The following DGKA variants were observed in gnomAD, a reference collection of about 807,000 sequenced individuals.
The protein encoded by DGKA is diacylglycerol kinase alpha, also known as 80 kDa diacylglycerol kinase.
A neutral mutation model predicts 105.0 loss-of-function variants in DGKA; 35 were observed. The ratio of observed to expected loss-of-function variants is 0.33; its 90% CI spans 0.25 to 0.44. The LOEUF is 0.44. Ranked by LOEUF, DGKA falls within the 20% of genes least tolerant of loss-of-function variation. The pLI, the probability that DGKA is intolerant of heterozygous loss-of-function variation, is 1.00. For synonymous variants in DGKA, 296 were observed against 332.0 expected (o/e 0.89, Z 1.18); for missense variants, 665 against 915.0 (o/e 0.73, Z 3.53).
intron 4 of DGKA, 57 bp downstream of exon 4, chr12:55,937,600 T>C: frequency 6.3e-7 from 1 of 1,588,646 alleles, no homozygotes; most frequent in Non-Finnish European, 8.6e-7. Flanking sequence ...CAAACTAGTA[T>C]GGATTTGGGG....
chr12:55,946,998 T>G (rs2136374847), intron 17 of DGKA, among the ~76,000 whole-genome samples: 1 of 150,970 alleles, frequency 6.6e-6, no homozygotes, highest in East Asian at 1.9e-4. Flanking sequence ...TTTTTTTTTT[T>G]TTTTGAGGCA....
chr12:55,940,881 T>C lies in DGKA; in HGVS notation c.1018-16T>C. 1 of 1,613,662 alleles carries C rather than the reference T, an allele frequency of 6.2e-7. No individual in the cohort carries two copies. The highest frequency in any genetic ancestry group is 8.5e-7 in the Non-Finnish European group (1 of 1,179,714). On this transcript the variant is annotated splice_polypyrimidine_tract_variant and intron_variant, in intron 12 of 23. Transcript: ENST00000331886. The surrounding 1 kb of genome is among the most constrained non-coding windows in gnomAD (Gnocchi z 4.3). Reference sequence around the variant, plus strand: ...ACAATACAGCTTTTCTTCCCTCTACTTTCTTCCCCTCCCAGGCCTCTGGAC... The same window carrying C: ...ACAATACAGCTTTTCTTCCCTCTACCTTCTTCCCCTCCCAGGCCTCTGGAC...
At position 55,936,403 on chromosome 12, in the gene DGKA, G is replaced by A. The variant is rs1427889982; in HGVS notation, c.-81-20G>A. On this transcript the variant is annotated intron_variant, in intron 1 of 23. Transcript: ENST00000331886. ...AGACAGCTGGCTCTTCCCACTGTAC[G>A]CTCTGTCACCTTTCCCCAGGCCTAC... The A allele has an allele frequency of 3.3e-6, 5 of 1,512,584 alleles. No individual in the cohort carries two copies. The highest frequency in any genetic ancestry group is 3.5e-6 in the Non-Finnish European group (4 of 1,130,904). The allele number at this position is 1,512,584 out of a possible 1,614,324, so 93.7% of individuals were successfully genotyped here.
At chr12:55,936,753 C>T (rs770847050) in intron 2 of DGKA, 186 bp downstream of exon 2, 1 of 950,878 alleles carries the variant, frequency 1.1e-6, no homozygotes, top group South Asian at 1.3e-5. Flanking sequence ...TCCGGATCTA[C>T]CACAGTCTAA....
At chr12:55,938,450 G>A (rs1030806319) in intron 5 of DGKA, 61 bp from the exon 6 acceptor site, 1 of 1,598,284 alleles carries the variant, frequency 6.3e-7, no homozygotes, top group African/African-American at 1.3e-5. Flanking sequence ...CCCATATTCT[G>A]GTATGAATTC....
At chr12:55,928,676 C>CAAAAAAAA (rs56280303), upstream of DGKA, among the ~76,000 whole-genome samples, 27 of 47,274 alleles carry the variant, frequency 5.7e-4, no homozygotes, top group East Asian at 7.4e-4. Flanking sequence ...GACCCCGTCT[C>CAAAAAAAA]AAAAAAAAAA....
At chr12:55,942,982 G>A (rs1446463527) in intron 17 of DGKA, among the ~76,000 whole-genome samples, 2 of 152,156 alleles carry the variant, frequency 1.3e-5, no homozygotes, top group African/African-American at 2.4e-5. Context: ...GGAACTGTAA[G>A]TCATTCATCA....
chr12:55,950,367 C>A (rs1020650558), intron 17 of DGKA, among the ~76,000 whole-genome samples: 1 of 151,622 alleles, frequency 6.6e-6, no homozygotes, highest in Non-Finnish European at 1.5e-5. Flanking sequence ...AGTGCAGTGG[C>A]GCAATCTCGG....
chr12:55,932,692 TACACACACACACACACGCAC>T lies in DGKA; in HGVS notation c.-82+1365_-82+1384del, dbSNP rs1490279468. ...TCCTATACTACGCAATGACACCCTC[TACACACACACACACACGCAC>T]ACACACACACACACACACACACACA... On this transcript the variant is annotated intron_variant, in intron 1 of 23. Transcript: ENST00000331886. The surrounding 1 kb of genome is among the most constrained non-coding windows in gnomAD (Gnocchi z 4.3). The T allele has an allele frequency of 6.9e-6, 4 of 580,774 alleles. No individual in the cohort carries two copies. The highest frequency in any genetic ancestry group is 9.3e-6 in the Non-Finnish European group (3 of 323,174). 36.0% of individuals were successfully genotyped at this position (580,774 alleles called of 1,614,324 possible). A position where few individuals can be genotyped will look rare whatever the true frequency, so the allele number is the denominator to read the frequency against.
chr12:55,927,487 A>G, upstream of DGKA: 1 of 691,770 alleles, frequency 1.4e-6, no homozygotes, highest in Non-Finnish European at 2.5e-6. Flanking sequence ...GAAGAAAGGA[A>G]GAATATCCAG....
chr12:55,938,727 G>A (rs1229783435), intron 6 of DGKA, 167 bp downstream of exon 6: 1 of 1,545,778 alleles, frequency 6.5e-7, no homozygotes, highest in South Asian at 1.2e-5. Flanking sequence ...ACCCCTCAAA[G>A]AGAATGCTGG....
rs1042701581 is a variant in DGKA, at chr12:55,938,416, C to T, written c.350-95C>T. On this transcript the variant is annotated intron_variant, in intron 5 of 23. Transcript: ENST00000331886. ...AGGCTCTAGGCTTCTCACCCAAAAG[C>T]TCTCTCCCTGTCTCTTTGTTTCCCC... is the stretch of plus-strand genomic sequence containing the variant. 1.2e-5 allele frequency: 18 copies of T among 1,522,360 alleles called. No individual in the cohort carries two copies. In the African/African-American group the frequency reaches 2.1e-4, roughly 17 times the overall value. The allele number at this position is 1,522,360 out of a possible 1,614,324, so 94.3% of individuals were successfully genotyped here.
chr12:55,927,894 T>C (rs1883226728), upstream of DGKA: 2 of 1,205,874 alleles, frequency 1.7e-6, no homozygotes, highest in African/African-American at 3.1e-5. Flanking sequence ...TAACCCTGAG[T>C]GCCTCCTCGG....
At chr12:55,937,931 C>G in intron 4 of DGKA, 47 bp from the exon 5 acceptor site, 1 of 1,537,456 alleles carries the variant, frequency 6.5e-7, no homozygotes, top group Non-Finnish European at 9.0e-7. Context: ...AAAACATGAG[C>G]CAAAGTGGAG....
chr12:55,933,840 A>G (rs1404125025), intron 1 of DGKA, among the ~76,000 whole-genome samples: 2 of 152,202 alleles, frequency 1.3e-5, no homozygotes. Flanking sequence ...TAATCTCCAG[A>G]AATGTTTCTC....
Position 55,938,867 on chromosome 12 carries a change from G to GT in DGKA, c.400-47dup. The GT allele has an allele frequency of 2.5e-6, 4 of 1,608,258 alleles. No individual in the cohort carries two copies. In the South Asian group the frequency reaches 4.4e-5, roughly 18 times the overall value. On this transcript the variant is annotated intron_variant, in intron 6 of 23. Transcript: ENST00000331886. ...TGATTTCTGGAAAAGAGTTTGGATGGTGGTAGTAAAGGGGATATGGCTGTG... is the reference window on the plus strand; with the variant it reads ...TGATTTCTGGAAAAGAGTTTGGATGGTTGGTAGTAAAGGGGATATGGCTGTG...
Position 55,942,338 on chromosome 12 carries a change from C to T in DGKA, c.1426+75C>T, listed in dbSNP as rs972962979. The stretch of plus-strand genomic sequence containing the variant: ...AAGGGAAAGGCACTTAGAGAAGAAA[C>T]TAGGCATCTGGTATGGAAAGGATTG... On this transcript the variant is annotated intron_variant, in intron 17 of 23. Coordinates refer to ENST00000331886, the MANE Select transcript of DGKA (RefSeq NM_001345.5). The T allele has an allele frequency of 5.1e-6, 7 of 1,373,638 alleles. No homozygotes were observed. In the East Asian group the frequency reaches 1.6e-4, roughly 32 times the overall value. 85.1% of individuals were successfully genotyped at this position (1,373,638 alleles called of 1,614,324 possible).
chr12:55,944,411 T>A (rs1017021650), intron 17 of DGKA, among the ~76,000 whole-genome samples: 9 of 152,222 alleles, frequency 5.9e-5, no homozygotes, highest in African/African-American at 2.2e-4. Context: ...GAGGCTGTAG[T>A]GAGCCATGAT....
intron 17 of DGKA, among the ~76,000 whole-genome samples, chr12:55,949,293 C>T (rs980048569): frequency 3.9e-5 from 6 of 152,008 alleles, no homozygotes; most frequent in Non-Finnish European, 5.9e-5. Context: ...TGCCTCCCGG[C>T]CTCAAGCGAT....
Sources: gnomAD v4.1 joint callset for allele counts (sites outside exome capture counted in the v4.1 genomes callset) on GRCh38, gnomAD v4.1.1 for gene constraint, Gnocchi (gnomAD v3.1) non-coding constraint, MANE v1.5 for transcripts, NCBI Gene and HGNC (gene_info 2026-07-23, HGNC 2026-07-21) for gene names.